Variants in USP6NL observed in about 807,000 individuals in gnomAD.
USP6NL encodes the protein USP6 N-terminal-like protein.
In USP6NL, 26 loss-of-function variants were observed where a neutral mutation model predicts 61.9. The ratio of observed to expected loss-of-function variants is 0.42; its 90% CI spans 0.31 to 0.58. The LOEUF (loss-of-function observed/expected upper bound fraction) is 0.58. USP6NL is among the 20% of genes least tolerant of loss of function. USP6NL has a pLI of 0.16. For synonymous variants in USP6NL, 432 were observed against 390.1 expected, an observed-to-expected ratio of 1.11 and a Z score of -1.27; for missense variants, 1,114 against 1,034.3, an observed-to-expected ratio of 1.08 and a Z score of -1.06.
intron 7 of USP6NL, among the ~76,000 whole-genome samples, chr10:11,497,924 G>A (rs1194809530): frequency 6.6e-6 from 1 of 152,002 alleles, no homozygotes; most frequent in East Asian, 1.9e-4. Context: ...GAAGTACAGT[G>A]GAAAGCATTT....
At chr10:11,573,805 G>C in intron 2 of USP6NL, 1 of 395,224 alleles carries the variant, frequency 2.5e-6, no homozygotes, top group African/African-American at 2.1e-5. Context: ...AGAAATGAAT[G>C]CTTTGCCTAG....
intron 4 of USP6NL, among the ~76,000 whole-genome samples, chr10:11,519,932 A>AGAGCATG (rs1835138156): frequency 6.6e-6 from 1 of 152,220 alleles, no homozygotes; most frequent in African/African-American, 2.4e-5. Flanking sequence ...ATCATCTTGA[A>AGAGCATG]GAGCATGATA....
intron 2 of USP6NL, among the ~76,000 whole-genome samples, chr10:11,571,791 A>G (rs1427133607): frequency 6.6e-6 from 1 of 151,496 alleles, no homozygotes; most frequent in East Asian, 1.9e-4. Flanking sequence ...TTGGTTAATG[A>G]TGAAGAACAC....
intron 5 of USP6NL, among the ~76,000 whole-genome samples, chr10:11,512,027 G>A (rs1241796475): frequency 3.9e-5 from 6 of 152,072 alleles, no homozygotes; most frequent in Non-Finnish European, 7.4e-5. Context: ...CAAAGATGCC[G>A]AAGCTAACTA....
intron 14 of USP6NL, among the ~76,000 whole-genome samples, chr10:11,469,036 A>G (rs1236125566): frequency 6.6e-6 from 1 of 152,204 alleles, no homozygotes; most frequent in Non-Finnish European, 1.5e-5. Context: ...TCTAAGGAAG[A>G]GGGCCTAATA....
chr10:11,523,446 T>C (rs1442594269), intron 4 of USP6NL, among the ~76,000 whole-genome samples: 1 of 152,246 alleles, frequency 6.6e-6, no homozygotes, highest in Non-Finnish European at 1.5e-5. Flanking sequence ...CCTTTCAGAT[T>C]TGTGAATGTA....
chr10:11,565,763 G>C (rs1837125768), intron 2 of USP6NL: 1 of 152,200 alleles, frequency 6.6e-6, no homozygotes, highest in Admixed American at 6.5e-5. Flanking sequence ...CACCATTGAA[G>C]CCAATATGGA....
At chr10:11,508,634 G>C (rs932029401) in intron 6 of USP6NL, among the ~76,000 whole-genome samples, 1 of 152,204 alleles carries the variant, frequency 6.6e-6, no homozygotes, top group Non-Finnish European at 1.5e-5. Context: ...AGTAAAAAGT[G>C]TTAACTTGAT....
rs1287730118 is a variant in USP6NL at position 11,598,088 on chromosome 10, G to A, written c.-83-371C>T. ...AAATACAGCCCACATCATCCCTGCT[G>A]AGTATATTTTGACTGCACATAAATG... On this transcript the variant is annotated intron_variant, in intron 1 of 14. Coordinates refer to ENST00000609104, the MANE Select transcript of USP6NL (RefSeq NM_014688.5). The surrounding 1 kb of genome is among the most constrained non-coding windows in gnomAD (Gnocchi z 4.7). Among the ~76,000 whole-genome samples, 1 of 152,116 alleles carries A rather than the reference G, an allele frequency of 6.6e-6. No homozygotes were observed. Among genetic ancestry groups the A allele is most frequent in the African/African-American group, 2.4e-5 (1 of 41,440 alleles).
chr10:11,551,366 T>G (rs1836482927), intron 2 of USP6NL, among the ~76,000 whole-genome samples: 1 of 152,178 alleles, frequency 6.6e-6, no homozygotes, highest in South Asian at 2.1e-4. Flanking sequence ...AGAACTTCAT[T>G]TATATGAAAT....
intron 2 of USP6NL, among the ~76,000 whole-genome samples, chr10:11,590,690 C>T (rs1018868312): frequency 6.6e-6 from 1 of 152,022 alleles, no homozygotes; most frequent in Non-Finnish European, 1.5e-5. Flanking sequence ...AAAAATCAAA[C>T]TCTATTTTCT....
chr10:11,579,419 G>C (rs531607571), intron 2 of USP6NL, among the ~76,000 whole-genome samples: 76 of 152,224 alleles, frequency 5.0e-4, no homozygotes, highest in African/African-American at 1.7e-3. Context: ...ATCTATCACT[G>C]CAGACACGAT....
intron 2 of USP6NL, among the ~76,000 whole-genome samples, chr10:11,583,710 C>T (rs1359104346): frequency 2.0e-5 from 3 of 152,118 alleles, no homozygotes; most frequent in Non-Finnish European, 4.4e-5. Context: ...ACAAAGCTAT[C>T]AAATAACATT....
chr10:11,462,540 A>G lies in USP6NL; in HGVS notation c.2388T>C (p.Asp796=). 1 of 1,614,024 alleles carries G rather than the reference A, an allele frequency of 6.2e-7. No individual in the cohort carries two copies. The highest frequency in any genetic ancestry group is 1.1e-5 in the South Asian group (1 of 91,090). ...AATATGGATATCCAGATGGACTGGC[A>G]TCTTCTGCGGCCGGTGAAGCTTTAT... ...VRYKASPAAE[D]ASPSGYPYSG... The change falls in exon 15 of 15, where the codon GAT becomes GAC. Residue 796 remains aspartate, a synonymous_variant. Transcript: ENST00000609104.
chr10:11,526,565 G>C (rs756486569), intron 3 of USP6NL, among the ~76,000 whole-genome samples: 3 of 152,310 alleles, frequency 2.0e-5, no homozygotes, highest in Middle Eastern at 3.4e-3. Context: ...AACTGTGTTT[G>C]ATGTTCCAAA....
intron 2 of USP6NL, among the ~76,000 whole-genome samples, chr10:11,590,140 G>A (rs1838113715): frequency 6.6e-6 from 1 of 152,102 alleles, no homozygotes; most frequent in Non-Finnish European, 1.5e-5. Context: ...CTGGGATAAG[G>A]GAAGACATTT....
chr10:11,492,070 G>GT (rs1833728845), intron 8 of USP6NL, among the ~76,000 whole-genome samples: 1 of 152,186 alleles, frequency 6.6e-6, no homozygotes, highest in Non-Finnish European at 1.5e-5. Context: ...ACCACAGTGT[G>GT]TAAGTTACAG....
At chr10:11,555,098 T>G (rs1376242024) in intron 2 of USP6NL, among the ~76,000 whole-genome samples, 22 of 133,314 alleles carry the variant, frequency 1.7e-4, no homozygotes, top group Non-Finnish European at 6.4e-5. Flanking sequence ...GCCTGTTTTT[T>G]TTTTTTTTTG....
chr10:11,501,662 G>A (rs7085769), intron 6 of USP6NL, among the ~76,000 whole-genome samples: 33,815 of 152,022 alleles, frequency 0.22, 4,359 homozygotes, highest in East Asian at 0.59. Flanking sequence ...GTAGAGTGCT[G>A]ACTCCTAATC....
Sources: gnomAD v4.1 joint callset for allele counts (sites outside exome capture counted in the v4.1 genomes callset) on GRCh38, gnomAD v4.1.1 for gene constraint, Gnocchi (gnomAD v3.1) non-coding constraint, MANE v1.5 for transcripts, NCBI Gene and HGNC (gene_info 2026-07-23, HGNC 2026-07-21) for gene names.